The following ADGRL4 variants were observed in gnomAD, a reference collection of about 807,000 sequenced individuals.
ADGRL4 encodes the protein adhesion G protein-coupled receptor L4, also known as EGF, latrophilin and seven transmembrane domain containing 1.
In ADGRL4, 90 loss-of-function variants were observed where a neutral mutation model predicts 74.8. That is an observed-to-expected ratio of 1.20 (90% CI 1.02 to 1.43). ADGRL4 has a LOEUF of 1.43. Among genes scored for constraint, ADGRL4 ranks in the 40% most tolerant of loss-of-function variants. ADGRL4 has a pLI of 0.00. For synonymous variants in ADGRL4, 311 were observed against 279.2 expected, an observed-to-expected ratio of 1.11 and a Z score of -1.14; for missense variants, 881 against 814.3, an observed-to-expected ratio of 1.08 and a Z score of -1.00.
chr1:78,945,228 G>T (rs984340839), intron 3 of ADGRL4, among the ~76,000 whole-genome samples: 3 of 147,560 alleles, frequency 2.0e-5, no homozygotes, highest in Non-Finnish European at 3.0e-5. Flanking sequence ...AGGCTTTATT[G>T]TGATTTAGAT....
At chr1:78,944,785 A>G (rs923245114) in intron 3 of ADGRL4, among the ~76,000 whole-genome samples, 1 of 152,196 alleles carries the variant, frequency 6.6e-6, no homozygotes, top group African/African-American at 2.4e-5. Flanking sequence ...AAATGAGGAG[A>G]ATAAAATATT....
chr1:78,891,707 A>G lies in ADGRL4; in HGVS notation c.1842-15T>C. On this transcript the variant is annotated splice_polypyrimidine_tract_variant and intron_variant, in intron 13 of 14. Transcript: ENST00000370742. ...TTGCACAAGACCTATCACATATGAG[A>G]AATGCGTCAGTGAAGAAAGCTACGT... 6.3e-7 allele frequency: 1 copy of G among 1,597,190 alleles called. No individual in the cohort carries two copies. Among genetic ancestry groups the G allele is most frequent in the Non-Finnish European group, 8.5e-7 (1 of 1,174,256 alleles).
At chr1:78,903,482 G>T (rs1648560146) in intron 12 of ADGRL4, among the ~76,000 whole-genome samples, 1 of 152,128 alleles carries the variant, frequency 6.6e-6, no homozygotes, top group Non-Finnish European at 1.5e-5. Flanking sequence ...AATCAGATTT[G>T]ATTAAATGGT....
intron 12 of ADGRL4, among the ~76,000 whole-genome samples, chr1:78,907,256 T>A (rs539081874): frequency 1.6e-3 from 250 of 152,208 alleles, no homozygotes; most frequent in Non-Finnish European, 2.3e-3. Flanking sequence ...GAATGCTGCA[T>A]ATAATTTTCT....
intron 2 of ADGRL4, among the ~76,000 whole-genome samples, chr1:78,990,494 A>T (rs1051694960): frequency 6.6e-6 from 1 of 151,996 alleles, no homozygotes; most frequent in Non-Finnish European, 1.5e-5. Context: ...AGACTTGCTT[A>T]AATTCAGATT....
chr1:78,958,065 G>A (rs925308949), intron 2 of ADGRL4, among the ~76,000 whole-genome samples: 5 of 152,058 alleles, frequency 3.3e-5, no homozygotes, highest in South Asian at 2.1e-4. Flanking sequence ...ATGGTTTACC[G>A]AATACGTTAA....
At chr1:78,958,590 G>T (rs1024999606) in intron 2 of ADGRL4, among the ~76,000 whole-genome samples, 1 of 152,180 alleles carries the variant, frequency 6.6e-6, no homozygotes, top group Non-Finnish European at 1.5e-5. Context: ...GCAATCTCAT[G>T]ATATAACTTT....
chr1:78,975,852 G>A (rs144631902), intron 2 of ADGRL4, among the ~76,000 whole-genome samples: 1,648 of 151,772 alleles, frequency 0.011, 27 homozygotes, highest in African/African-American at 0.037. Context: ...TTGGTACAGG[G>A]ATCAGATTTA....
At chr1:78,926,709 A>C (rs1649121041) in intron 8 of ADGRL4, among the ~76,000 whole-genome samples, 177 bp downstream of exon 8, 2 of 152,038 alleles carry the variant, frequency 1.3e-5, no homozygotes, top group African/African-American at 2.4e-5. Context: ...ATGTTTAAAG[A>C]GCTGTGAAAC....
At chr1:78,928,586 G>A (rs1450469141) in intron 7 of ADGRL4, among the ~76,000 whole-genome samples, 2 of 151,182 alleles carry the variant, frequency 1.3e-5, no homozygotes, top group African/African-American at 4.9e-5. Context: ...GATCTTTCCT[G>A]TATTTGTTAA....
chr1:78,929,625 A>G (rs67789439), intron 7 of ADGRL4, among the ~76,000 whole-genome samples: 25,916 of 151,600 alleles, frequency 0.17, 2,644 homozygotes, highest in Admixed American at 0.25. Flanking sequence ...TAATTTTTTC[A>G]ATAAATTAAT....
At chr1:78,926,843 T>C in intron 8 of ADGRL4, 43 bp downstream of exon 8, 2 of 1,412,366 alleles carry the variant, frequency 1.4e-6, no homozygotes, top group Non-Finnish European at 2.0e-6. Context: ...GTTCTCTGAC[T>C]GTATCACAAT....
At chr1:78,896,140 C>CCTGCCGCCTTTATCAA (rs1648393245) in intron 12 of ADGRL4, among the ~76,000 whole-genome samples, 1 of 151,926 alleles carries the variant, frequency 6.6e-6, no homozygotes, top group African/African-American at 2.4e-5. Flanking sequence ...TTACTATACT[C>CCTGCCGCCTTTATCAA]CTGCCGCCTT....
intron 9 of ADGRL4, 110 bp downstream of exon 9, chr1:78,921,503 G>C: frequency 1.8e-6 from 1 of 566,782 alleles, no homozygotes; most frequent in Non-Finnish European, 2.8e-6. Context: ...TACTAAATGT[G>C]CTATCTAAAC....
chr1:78,896,092 T>A (rs569825246), intron 12 of ADGRL4, among the ~76,000 whole-genome samples: 2 of 151,906 alleles, frequency 1.3e-5, no homozygotes, highest in African/African-American at 4.8e-5. Context: ...ACTTCCTAGG[T>A]GATCAGACCC....
intron 12 of ADGRL4, among the ~76,000 whole-genome samples, chr1:78,907,000 A>G (rs1223776484): frequency 2.6e-5 from 4 of 151,928 alleles, no homozygotes; most frequent in Non-Finnish European, 5.9e-5. Context: ...CATTATCCCC[A>G]TCTACATATC....
chr1:78,981,701 C>G (rs180774075), intron 2 of ADGRL4, among the ~76,000 whole-genome samples: 2 of 151,688 alleles, frequency 1.3e-5, no homozygotes, highest in African/African-American at 4.8e-5. Flanking sequence ...AAATAAAGTT[C>G]TATTTTTATG....
chr1:78,909,968 G>C (rs942554290), intron 12 of ADGRL4, among the ~76,000 whole-genome samples: 23 of 151,872 alleles, frequency 1.5e-4, no homozygotes, highest in Admixed American at 1.1e-3. Flanking sequence ...GGGTAGAACT[G>C]TATATTCTAA....
intron 6 of ADGRL4, among the ~76,000 whole-genome samples, 158 bp downstream of exon 6, chr1:78,937,649 T>A (rs1185643937): frequency 1.3e-5 from 2 of 152,188 alleles, no homozygotes; most frequent in Non-Finnish European, 2.9e-5. Context: ...TTCACAATGC[T>A]TTTGCAATAT....
Sources: gnomAD v4.1 joint callset for allele counts (sites outside exome capture counted in the v4.1 genomes callset) on GRCh38, gnomAD v4.1.1 for gene constraint, MANE v1.5 for transcripts, NCBI Gene and HGNC (gene_info 2026-07-23, HGNC 2026-07-21) for gene names.